UGGT1: variants seen among roughly 807,000 people sequenced by gnomAD.
UGGT1 encodes the protein UDP-glucose glycoprotein glucosyltransferase 1.
UGGT1 carries 107 observed loss-of-function variants against 203.9 expected under a neutral mutation model. The observed-to-expected ratio is 0.52, with a 90% CI of 0.45 to 0.62. The LOEUF (loss-of-function observed/expected upper bound fraction) is 0.62. Ranked by LOEUF, UGGT1 falls within the 20% of genes least tolerant of loss-of-function variation. UGGT1 has a pLI of 0.00. For synonymous variants in UGGT1, 628 were observed against 653.5 expected (o/e 0.96, Z 0.59); for missense variants, 1,673 against 1,867.2 (o/e 0.90, Z 1.92).
At chr2:128,163,721 A>AG (rs1445123024) in intron 25 of UGGT1, among the ~76,000 whole-genome samples, 1 of 152,014 alleles carries the variant, frequency 6.6e-6, no homozygotes, top group Non-Finnish European at 1.5e-5. Flanking sequence ...CTCAAAAAAA[A>AG]AAAAATTAAT....
intron 28 of UGGT1, among the ~76,000 whole-genome samples, chr2:128,171,884 T>C (rs1691124826): frequency 6.6e-6 from 1 of 152,204 alleles, no homozygotes; most frequent in African/African-American, 2.4e-5. Context: ...CTTGCTTAGC[T>C]ATATATTGTC....
intron 2 of UGGT1, among the ~76,000 whole-genome samples, chr2:128,102,574 C>G (rs1329147618): frequency 6.6e-6 from 1 of 152,122 alleles, no homozygotes; most frequent in Non-Finnish European, 1.5e-5. Flanking sequence ...ATTCTCTCCT[C>G]TGGGTTGTTT....
Position 128,160,568 on chromosome 2 carries a change from A to G in UGGT1, c.2671A>G (p.Arg891Gly). ...TGTTCTGAAGCTGAAGAAGGGACAG[A>G]GGGCAGTGATCAGCAATGGAAGGGT... ...RDVLKLKKGQRAVISNGRIIG... is the reference protein window; with the variant it reads ...RDVLKLKKGQGAVISNGRIIG... Residue 891 changes from arginine to glycine, a missense_variant, in exon 24 of 41, where the codon AGG becomes GGG. Transcript: ENST00000259253. 6.2e-7 allele frequency: 1 copy of G among 1,613,174 alleles called. No individual in the cohort carries two copies. Among genetic ancestry groups the G allele is most frequent in the Non-Finnish European group, 8.5e-7 (1 of 1,179,630 alleles).
In UGGT1 at chr2:128,163,906, C is replaced by T. The variant is rs143794552; in HGVS notation, c.2826-824C>T. On this transcript the variant is annotated intron_variant, in intron 25 of 40. Coordinates refer to ENST00000259253, the MANE Select transcript of UGGT1 (RefSeq NM_020120.4). ...TAAATATATTGAAATAGGCTGGGCA[C>T]GGTGGCTCACACCTGTAATCCCAGC... Among the ~76,000 whole-genome samples the T allele has an allele frequency of 1.5e-4, 23 of 150,608 alleles. No homozygotes were observed. In the East Asian group the frequency reaches 3.6e-3, roughly 23 times the overall value.
intron 26 of UGGT1, among the ~76,000 whole-genome samples, chr2:128,165,787 G>C (rs1437681870): frequency 6.6e-6 from 1 of 151,910 alleles, no homozygotes; most frequent in East Asian, 1.9e-4. Flanking sequence ...AAAAAAACAG[G>C]GTTTCATTCT....
intron 34 of UGGT1, among the ~76,000 whole-genome samples, chr2:128,178,947 A>T (rs1276753305): frequency 6.6e-6 from 1 of 152,160 alleles, no homozygotes; most frequent in Non-Finnish European, 1.5e-5. Context: ...AGGATTTTAG[A>T]GCCAGGAGAG....
intron 38 of UGGT1, among the ~76,000 whole-genome samples, chr2:128,185,806 A>T (rs1427784207): frequency 6.6e-6 from 1 of 152,144 alleles, no homozygotes; most frequent in Non-Finnish European, 1.5e-5. Context: ...ACCATCATGG[A>T]ACATTCTTTA....
intron 39 of UGGT1, among the ~76,000 whole-genome samples, chr2:128,187,085 A>G (rs1692020813): frequency 6.6e-6 from 1 of 152,154 alleles, no homozygotes; most frequent in Non-Finnish European, 1.5e-5. Flanking sequence ...TATCTTATAG[A>G]ATATTTCACT....
chr2:128,102,420 A>G (rs889384053), intron 2 of UGGT1, among the ~76,000 whole-genome samples: 5 of 152,240 alleles, frequency 3.3e-5, no homozygotes, highest in African/African-American at 1.2e-4. Flanking sequence ...CTGGGATTAC[A>G]GGCGTGAGCC....
chr2:128,096,370 G>C (rs967358669), intron 1 of UGGT1, among the ~76,000 whole-genome samples: 5 of 152,336 alleles, frequency 3.3e-5, no homozygotes, highest in African/African-American at 1.2e-4. Flanking sequence ...GATATTTACT[G>C]TCTCACAGTG....
chr2:128,179,682 C>G lies in UGGT1; in HGVS notation c.3816-104C>G, dbSNP rs893445516. 5.4e-6 allele frequency: 5 copies of G among 929,988 alleles called. No homozygotes were observed. The Admixed American group carries it at 1.3e-4, about 25-fold the overall frequency. 57.6% of individuals were successfully genotyped at this position (929,988 alleles called of 1,614,324 possible). Reference sequence around the variant, plus strand: ...TCGGCCTAATTGAGCCATTAGTTAGCTCTGCCGTAAAGAGCATTTAGGTGT... The same window carrying G: ...TCGGCCTAATTGAGCCATTAGTTAGGTCTGCCGTAAAGAGCATTTAGGTGT... On this transcript the variant is annotated intron_variant, in intron 34 of 40. Coordinates refer to ENST00000259253, the MANE Select transcript of UGGT1 (RefSeq NM_020120.4).
chr2:128,183,946 G>A (rs568817356), intron 38 of UGGT1, among the ~76,000 whole-genome samples, 157 bp downstream of exon 38: 1 of 151,146 alleles, frequency 6.6e-6, no homozygotes, highest in East Asian at 1.9e-4. Context: ...GTGAGAGAGA[G>A]AGAGAGAGAG....
At chr2:128,114,541 C>G (rs1688008848) in intron 6 of UGGT1, among the ~76,000 whole-genome samples, 1 of 152,152 alleles carries the variant, frequency 6.6e-6, no homozygotes, top group African/African-American at 2.4e-5. Context: ...CATCTTCAGT[C>G]AGGATGCTGG....
chr2:128,184,824 G>C (rs995620394), intron 38 of UGGT1, among the ~76,000 whole-genome samples: 3 of 152,142 alleles, frequency 2.0e-5, no homozygotes, highest in Non-Finnish European at 4.4e-5. Flanking sequence ...TAGGATTACA[G>C]GCACGCACCA....
rs564814524 is a variant in UGGT1 at position 128,146,120 on chromosome 2, G to A, written c.2016+153G>A. On this transcript the variant is annotated intron_variant, in intron 18 of 40. Coordinates refer to ENST00000259253, the MANE Select transcript of UGGT1 (RefSeq NM_020120.4). ...GGTAGGAAGTCTGAGACCAACCTGGGCAATATGGCAAGACCCCATTTCTAA... is the reference window on the plus strand; with the variant it reads ...GGTAGGAAGTCTGAGACCAACCTGGACAATATGGCAAGACCCCATTTCTAA... 5.7e-4 allele frequency among the ~76,000 whole-genome samples: 86 copies of A among 152,138 alleles called. 1 individual carries two copies. The highest frequency in any genetic ancestry group is 2.0e-3 in the African/African-American group (82 of 41,504).
intron 3 of UGGT1, among the ~76,000 whole-genome samples, chr2:128,105,117 A>G (rs1253062087): frequency 1.3e-5 from 2 of 151,160 alleles, no homozygotes; most frequent in African/African-American, 4.8e-5. Context: ...TTCTGGGCTC[A>G]AGTGATCCTC....
At chr2:128,137,604 G>T (rs1689191064) in intron 15 of UGGT1, among the ~76,000 whole-genome samples, 1 of 152,150 alleles carries the variant, frequency 6.6e-6, no homozygotes, top group South Asian at 2.1e-4. Context: ...TGTGCTTTTG[G>T]ATCTAACATC....
intron 37 of UGGT1, among the ~76,000 whole-genome samples, chr2:128,182,957 A>C (rs1691781114): frequency 6.9e-6 from 1 of 145,888 alleles, no homozygotes; most frequent in South Asian, 2.1e-4. Context: ...TTCTCAGTGA[A>C]TAGAGAGAGA....
chr2:128,145,990 T>TTGAATC, intron 18 of UGGT1, 23 bp downstream of exon 18: 4 of 1,613,086 alleles, frequency 2.5e-6, no homozygotes, highest in Non-Finnish European at 3.4e-6. Flanking sequence ...TCAAGGCTGA[T>TTGAATC]TTTTTAAAGA....
Sources: gnomAD v4.1 joint callset for allele counts (sites outside exome capture counted in the v4.1 genomes callset) on GRCh38, gnomAD v4.1.1 for gene constraint, MANE v1.5 for transcripts, NCBI Gene and HGNC (gene_info 2026-07-23, HGNC 2026-07-21) for gene names.